Variants in SNRPA observed in about 807,000 individuals in gnomAD.
SNRPA encodes the protein U1 small nuclear ribonucleoprotein A.
In SNRPA, 10 loss-of-function variants were observed where a neutral mutation model predicts 24.5. That is an observed-to-expected ratio of 0.41 (90% confidence interval 0.25 to 0.69). The LOEUF (loss-of-function observed/expected upper bound fraction) is 0.69. Ranked by LOEUF, SNRPA falls within the 30% of genes least tolerant of loss-of-function variation. SNRPA has a pLI of 0.33. For missense variants in SNRPA, 283 were observed against 394.7 expected, an observed-to-expected ratio of 0.72 and a Z score of 2.40; for synonymous variants, 165 against 148.4, an observed-to-expected ratio of 1.11 and a Z score of -0.81.
intron 1 of SNRPA, among the ~76,000 whole-genome samples, chr19:40,756,838 A>G (rs2082910562): frequency 6.6e-6 from 1 of 152,170 alleles, no homozygotes; most frequent in Admixed American, 6.5e-5. Context: ...GGAGGCCACC[A>G]TGTAAACCTC....
chr19:40,755,494 C>T (rs2082905185), intron 1 of SNRPA, among the ~76,000 whole-genome samples: 1 of 152,074 alleles, frequency 6.6e-6, no homozygotes, highest in Non-Finnish European at 1.5e-5. Flanking sequence ...CCCACTTCAG[C>T]CTCCCAAGTA....
At chr19:40,756,596 C>CAAAAA (rs916818115) in intron 1 of SNRPA, among the ~76,000 whole-genome samples, 2 of 76,644 alleles carry the variant, frequency 2.6e-5, no homozygotes, top group Non-Finnish European at 2.9e-5. Context: ...ACCTTGTCAC[C>CAAAAA]AAAAAAAAAA....
chr19:40,763,623 A>G lies in SNRPA; in HGVS notation c.637A>G (p.Thr213Ala). 1.2e-6 allele frequency: 2 copies of G among 1,614,066 alleles called. No homozygotes were observed. Among genetic ancestry groups the G allele is most frequent in the Non-Finnish European group, 1.7e-6 (2 of 1,180,010 alleles). Residue 213 changes from threonine to alanine, a missense_variant, in exon 5 of 6, where the codon ACC becomes GCC. Physicochemically the swap from Thr to Ala is moderately conservative, Grantham distance 58 (BLOSUM62 0). Coordinates refer to ENST00000243563, the MANE Select transcript of SNRPA (RefSeq NM_004596.5). ...TCCACCGAATCACATCTTGTTCCTC[A>G]CCAACCTGCCAGAGGAGACCAACGA... is the stretch of plus-strand genomic sequence containing the variant. ...ENPPNHILFL[T>A]NLPEETNELM...
At chr19:40,754,499 AAG>A (rs1352365247) in intron 1 of SNRPA, among the ~76,000 whole-genome samples, 1 of 152,124 alleles carries the variant, frequency 6.6e-6, no homozygotes, top group Non-Finnish European at 1.5e-5. Flanking sequence ...GGAACTTAGA[AAG>A]ACAGAGAGAT....
intron 3 of SNRPA, among the ~76,000 whole-genome samples, chr19:40,762,310 G>A (rs945527823): frequency 1.1e-4 from 16 of 150,818 alleles, no homozygotes; most frequent in Non-Finnish European, 1.8e-4. Flanking sequence ...TTCTGTTGCC[G>A]GGTTCAAGTG....
At chr19:40,759,020 C>T (rs2082919838) in intron 2 of SNRPA, among the ~76,000 whole-genome samples, 2 of 151,750 alleles carry the variant, frequency 1.3e-5, no homozygotes, top group Admixed American at 6.6e-5. Context: ...CCAGCCTGGC[C>T]AACATGGTGA....
chr19:40,761,458 CTTTT>C (rs200242370), intron 3 of SNRPA, among the ~76,000 whole-genome samples: 4 of 85,870 alleles, frequency 4.7e-5, no homozygotes, highest in Admixed American at 1.8e-4. Context: ...TTTTCTTTTT[CTTTT>C]TTTTTTTTTT....
chr19:40,762,823 C>T (rs1010871312), intron 3 of SNRPA, 78 bp from the exon 4 acceptor site: 416 of 1,468,464 alleles, frequency 2.8e-4, no homozygotes, highest in South Asian at 6.1e-4. Context: ...ATCTCTCACC[C>T]GCTAGGTTTC....
rs2305798 is a variant in SNRPA, at chr19:40,762,877, G to A, written c.427-24G>A. 1.4e-5 allele frequency: 23 copies of A among 1,610,086 alleles called. No homozygotes were observed. In the East Asian group the frequency reaches 1.8e-4, roughly 13 times the overall value. ...TGCCTCCTGGGGCTGCTGTAACCAC[G>A]CACTCTCCTCCCTCTCTCCACAGGG... On this transcript the variant is annotated intron_variant, in intron 3 of 5. Coordinates refer to ENST00000243563, the MANE Select transcript of SNRPA (RefSeq NM_004596.5).
At position 40,759,718 on chromosome 19, in the gene SNRPA, C is replaced by T. The variant is rs560177291; in HGVS notation, c.426+108C>T. 7 of 968,760 alleles carry T rather than the reference C, an allele frequency of 7.2e-6. No individual in the cohort carries two copies. In the South Asian group the frequency reaches 1.1e-4, roughly 15 times the overall value. 60.0% of individuals were successfully genotyped at this position (968,760 alleles called of 1,614,324 possible). A position where few individuals can be genotyped will look rare whatever the true frequency, so the allele number is the denominator to read the frequency against. On this transcript the variant is annotated intron_variant, in intron 3 of 5. Coordinates refer to ENST00000243563, the MANE Select transcript of SNRPA (RefSeq NM_004596.5). Reference sequence around the variant, plus strand: ...AGTTCTCCCCTTGGGGCTTCAGACCCCTCCTTTCCATTTCTTTATAGAGAT... The same window carrying T: ...AGTTCTCCCCTTGGGGCTTCAGACCTCTCCTTTCCATTTCTTTATAGAGAT...
Position 40,765,082 on chromosome 19 carries a change from T to A in SNRPA, c.764T>A (p.Val255Glu), listed in dbSNP as rs1418631226. Residue 255 changes from valine (V) to glutamate (E), a missense_variant, in exon 6 of 6, where the codon GTA (valine) becomes GAA (glutamate). Transcript: ENST00000243563. ...GCCTTCGTGGAGTTTGACAATGAGG[T>A]ACAGGCAGGGGCAGCTCGCGATGCC... is the stretch of plus-strand genomic sequence containing the variant. ...DIAFVEFDNE[V>E]QAGAARDALQ... The A allele has an allele frequency of 6.3e-7, 1 of 1,593,204 alleles. No homozygotes were observed. The highest frequency in any genetic ancestry group is 8.5e-7 in the Non-Finnish European group (1 of 1,171,130).
chr19:40,756,118 A>G (rs2082907457), intron 1 of SNRPA, among the ~76,000 whole-genome samples: 1 of 151,892 alleles, frequency 6.6e-6, no homozygotes, highest in African/African-American at 2.4e-5. Flanking sequence ...AAAAATAAAA[A>G]ATTAGCCGTG....
chr19:40,761,889 A>G (rs372458528), intron 3 of SNRPA, among the ~76,000 whole-genome samples: 32 of 152,248 alleles, frequency 2.1e-4, no homozygotes, highest in African/African-American at 7.7e-4. Context: ...ACAAAAGAAA[A>G]GATGGATGAA....
At chr19:40,761,471 T>TC (rs1222870904) in intron 3 of SNRPA, among the ~76,000 whole-genome samples, 2 of 112,898 alleles carry the variant, frequency 1.8e-5, no homozygotes, top group Non-Finnish European at 3.7e-5. Flanking sequence ...TTTTTTTTTT[T>TC]TTTTTTTTTT....
intron 5 of SNRPA, among the ~76,000 whole-genome samples, chr19:40,764,744 G>A (rs534850812): frequency 6.6e-6 from 1 of 152,260 alleles, no homozygotes; most frequent in South Asian, 2.1e-4. Context: ...GATTTAGGAA[G>A]GGCCCAGGAG....
Position 40,762,889 on chromosome 19 carries a change from C to G in SNRPA, c.427-12C>G, listed in dbSNP as rs1177335899. On this transcript the variant is annotated splice_polypyrimidine_tract_variant and intron_variant, in intron 3 of 5. Coordinates refer to ENST00000243563, the MANE Select transcript of SNRPA (RefSeq NM_004596.5). ...CTGCTGTAACCACGCACTCTCCTCC[C>G]TCTCTCCACAGGGCATGCCGCCGAT... 7 of 1,612,638 alleles carry G rather than the reference C, an allele frequency of 4.3e-6. No individual in the cohort carries two copies. In the East Asian group the frequency reaches 1.6e-4, roughly 36 times the overall value.
At position 40,763,215 on chromosome 19, in the gene SNRPA, G is replaced by A. The variant is rs559796021; in HGVS notation, c.600+141G>A. On this transcript the variant is annotated intron_variant, in intron 4 of 5. Coordinates refer to ENST00000243563, the MANE Select transcript of SNRPA (RefSeq NM_004596.5). Reference sequence around the variant, plus strand: ...GGTGGTACTGAATGAGGAAGTAGCAGTGGGGGTGGGCCCTGGGCAGAGGAA... The same window carrying A: ...GGTGGTACTGAATGAGGAAGTAGCAATGGGGGTGGGCCCTGGGCAGAGGAA... 5 of 643,044 alleles carry A rather than the reference G, an allele frequency of 7.8e-6. No homozygotes were observed. The South Asian group carries it at 7.8e-5, about 10-fold the overall frequency. 39.8% of individuals were successfully genotyped at this position (643,044 alleles called of 1,614,324 possible).
chr19:40,752,817 T>G (rs1362808165), intron 1 of SNRPA, among the ~76,000 whole-genome samples: 1 of 152,180 alleles, frequency 6.6e-6, no homozygotes, highest in East Asian at 1.9e-4. Flanking sequence ...TCAAGTAAAT[T>G]ATCACCTTTA....
In SNRPA at chr19:40,754,996, C is replaced by G. The variant is rs147335887; in HGVS notation, c.74-2336C>G. 2.5e-3 allele frequency among the ~76,000 whole-genome samples: 370 copies of G among 145,752 alleles called. 1 individual carries two copies. The highest frequency in any genetic ancestry group is 9.1e-3 in the African/African-American group (357 of 39,372). On this transcript the variant is annotated intron_variant, in intron 1 of 5. Transcript: ENST00000243563. The stretch of plus-strand genomic sequence containing the variant: ...AATTGCTTAAAAACAACCTTGACTG[C>G]TGTCCCTGCCCCCACCCAGCCTACA...
Sources: allele counts gnomAD v4.1 joint callset (sites outside exome capture counted in the v4.1 genomes callset), GRCh38; gene constraint gnomAD v4.1.1; transcripts MANE v1.5; gene names NCBI Gene and HGNC (gene_info 2026-07-23, HGNC 2026-07-21).